Variants in SYNE1 observed in about 807,000 individuals in gnomAD.
The protein encoded by SYNE1 is nesprin-1.
In SYNE1, 616 loss-of-function variants were observed where a neutral mutation model predicts 1,111.0. The observed-to-expected ratio is 0.55, with a 90% confidence interval of 0.52 to 0.59. The LOEUF (loss-of-function observed/expected upper bound fraction) is 0.59. SYNE1 is among the 20% of genes least tolerant of loss of function. The pLI is 0.00. For synonymous variants in SYNE1, 3,855 were observed against 3,825.8 expected, an observed-to-expected ratio of 1.01 and a Z score of -0.28; for missense variants, 10,006 against 10,417.0, an observed-to-expected ratio of 0.96 and a Z score of 1.72.
At chr6:152,324,431 G>A (rs1489132623) in intron 81 of SYNE1, among the ~76,000 whole-genome samples, 1 of 151,918 alleles carries the variant, frequency 6.6e-6, no homozygotes, top group Non-Finnish European at 1.5e-5. Context: ...TGGGTAATGA[G>A]TCAAATTTCT....
rs61742716 is a variant in SYNE1 at position 152,220,921 on chromosome 6, C to T, written c.21782G>A (p.Arg7261Gln). Reference protein sequence around the residue: ...CASTVQQQEDRTNELLKAATN... With the variant: ...CASTVQQQEDQTNELLKAATN... ...GGCTGCCTTCAACAGCTCATTGGTT[C>T]GATCCTCCTGCTGCTGAACTGTCGA... Residue 7261 changes from arginine to glutamine, a missense_variant, in exon 119 of 146, where the codon CGA (arginine) becomes CAA (glutamine). Physicochemically the swap from Arg to Gln is conservative, Grantham distance 43. This residue lies in a region of SYNE1 where 2,182 missense variants were observed against 2,287.8 expected (regional missense o/e 0.95). Transcript: ENST00000367255. 5.6e-5 allele frequency: 91 copies of T among 1,614,110 alleles called. No homozygotes were observed. The African/African-American group carries it at 8.3e-4, about 15-fold the overall frequency.
intron 16 of SYNE1, among the ~76,000 whole-genome samples, chr6:152,471,064 C>T (rs1224896636): frequency 6.6e-6 from 1 of 151,990 alleles, no homozygotes; most frequent in African/African-American, 2.4e-5. Context: ...TAAGTTGGTA[C>T]AGAGATTCAT....
At chr6:152,193,839 G>A (rs1036377921) in intron 127 of SYNE1, among the ~76,000 whole-genome samples, 12 of 151,762 alleles carry the variant, frequency 7.9e-5, no homozygotes, top group East Asian at 7.9e-4. Context: ...GTGAAACCCT[G>A]TCTCTACTAA....
At chr6:152,447,143 C>T (rs1437580870) in intron 29 of SYNE1, among the ~76,000 whole-genome samples, 1 of 152,160 alleles carries the variant, frequency 6.6e-6, no homozygotes, top group Non-Finnish European at 1.5e-5. Flanking sequence ...TTATTCTTAG[C>T]CTCCATGATT....
chr6:152,411,243 G>A (rs1190464117), intron 42 of SYNE1, among the ~76,000 whole-genome samples: 1 of 152,008 alleles, frequency 6.6e-6, no homozygotes, highest in Non-Finnish European at 1.5e-5. Flanking sequence ...GTCTATTTCT[G>A]GACTGTGTTC....
chr6:152,545,571 T>C (rs974137656), intron 3 of SYNE1, among the ~76,000 whole-genome samples: 9 of 152,056 alleles, frequency 5.9e-5, no homozygotes, highest in African/African-American at 2.2e-4. Context: ...CAGAGTAAAA[T>C]TGTATCTCAA....
Position 152,551,058 on chromosome 6 carries a change from C to G in SYNE1, c.68-11037G>C, listed in dbSNP as rs541020630. On this transcript the variant is annotated intron_variant, in intron 3 of 145. Transcript: ENST00000367255. ...AAGACCACATTTGAACAGTTTCAAG[C>G]AGAACTTTTGTGGATTTTTTCCTGA... is the stretch of plus-strand genomic sequence containing the variant. 5.3e-5 allele frequency among the ~76,000 whole-genome samples: 8 copies of G among 152,246 alleles called. No individual in the cohort carries two copies. In the South Asian group the frequency reaches 1.7e-3, roughly 32 times the overall value.
At chr6:152,169,300 C>T (rs1315863339) in intron 130 of SYNE1, among the ~76,000 whole-genome samples, 3 of 151,932 alleles carry the variant, frequency 2.0e-5, no homozygotes, top group Non-Finnish European at 2.9e-5. Flanking sequence ...TGGTGGCTCA[C>T]GCCTGTAATC....
chr6:152,627,490 T>TAAAA (rs5880989), intron 3 of SYNE1, among the ~76,000 whole-genome samples: 4 of 134,374 alleles, frequency 3.0e-5, no homozygotes, highest in Admixed American at 1.5e-4. Context: ...ATATCTCTAC[T>TAAAA]AAAAAAAAAA....
At position 152,329,779 on chromosome 6, in the gene SYNE1, T is replaced by C. The variant is rs2096200869; in HGVS notation, c.14906A>G (p.Glu4969Gly). ...GATGTCTCCATCCAGCTCTGAGAGC[T>C]CAGCGAGGCTGTGTTCTAAATCCGC... ...ISADLEHSLA[E>G]LSELDGDIQE... Residue 4969 changes from glutamate to glycine, a missense_variant, in exon 78 of 146, where the codon GAG becomes GGG. Glu to Gly is a moderately conservative substitution (Grantham distance 98). Coordinates refer to ENST00000367255, the MANE Select transcript of SYNE1 (RefSeq NM_182961.4). 1.9e-6 allele frequency: 3 copies of C among 1,614,208 alleles called. No homozygotes were observed. The South Asian group carries it at 3.3e-5, about 18-fold the overall frequency.
At chr6:152,184,957 G>A (rs1390655503) in intron 128 of SYNE1, among the ~76,000 whole-genome samples, 1 of 152,058 alleles carries the variant, frequency 6.6e-6, no homozygotes, top group African/African-American at 2.4e-5. Flanking sequence ...TTATGTTTTT[G>A]CAAGGGCACA....
chr6:152,373,821 G>T (rs932506316), intron 58 of SYNE1, among the ~76,000 whole-genome samples: 1 of 152,174 alleles, frequency 6.6e-6, no homozygotes, highest in African/African-American at 2.4e-5. Context: ...ATAAACTCTG[G>T]CTAAGACTCG....
At chr6:152,256,374 G>A (rs888678408) in intron 102 of SYNE1, among the ~76,000 whole-genome samples, 4 of 152,212 alleles carry the variant, frequency 2.6e-5, no homozygotes, top group Admixed American at 6.5e-5. Flanking sequence ...AGGTTGCAAT[G>A]AGCCGAGATT....
At chr6:152,329,565 A>T (rs2096193440) in intron 78 of SYNE1, among the ~76,000 whole-genome samples, 165 bp downstream of exon 78, 1 of 152,220 alleles carries the variant, frequency 6.6e-6, no homozygotes, top group Admixed American at 6.5e-5. Flanking sequence ...AAACAAAACG[A>T]AAAACAATTA....
intron 66 of SYNE1, among the ~76,000 whole-genome samples, chr6:152,355,568 G>A (rs1488775875): frequency 1.3e-5 from 2 of 152,080 alleles, no homozygotes; most frequent in South Asian, 2.1e-4. Context: ...CTCCACCAAA[G>A]CCTAAACCCC....
chr6:152,483,187 G>A lies in SYNE1; in HGVS notation c.1248C>T (p.Ala416=). ...GGGCCACCTCCGCTCTGTACAGCCA[G>A]GCACCTATGGTGCCCAGAGGTGCAG... ...SLPAPLGTIG[A]WLYRAEVALR... is the part of the protein sequence containing the mutation. The change falls in exon 14 of 146, where the codon GCC becomes GCT. Residue 416 remains alanine, a synonymous_variant. Transcript: ENST00000367255. The A allele has an allele frequency of 1.9e-6, 3 of 1,614,154 alleles. No homozygotes were observed. The highest frequency in any genetic ancestry group is 1.7e-6 in the Non-Finnish European group (2 of 1,179,972).
At chr6:152,130,902 G>A (rs1364957162) in intron 144 of SYNE1, 124 bp from the exon 145 acceptor site, 8 of 948,266 alleles carry the variant, frequency 8.4e-6, no homozygotes, top group Admixed American at 2.6e-5. Flanking sequence ...GAAATGATCA[G>A]TACCCATGAA....
At position 152,530,037 on chromosome 6, in the gene SYNE1, G is replaced by A. The variant is rs572447059; in HGVS notation, c.130-3862C>T. ...AACTGATGTTCACTATAAATATAGT[G>A]TGGCTCAAGGTCTCAGGCATAGAAA... is the stretch of plus-strand genomic sequence containing the variant. On this transcript the variant is annotated intron_variant, in intron 4 of 145. Coordinates refer to ENST00000367255, the MANE Select transcript of SYNE1 (RefSeq NM_182961.4). Among the ~76,000 whole-genome samples the A allele has an allele frequency of 1.0e-3, 158 of 152,306 alleles. 2 individuals carry two copies. The highest frequency in any genetic ancestry group is 3.4e-3 in the African/African-American group (141 of 41,562).
chr6:152,490,471 C>T (rs907870988), intron 11 of SYNE1, among the ~76,000 whole-genome samples: 1 of 152,118 alleles, frequency 6.6e-6, no homozygotes, highest in African/African-American at 2.4e-5. Context: ...TTTGTTCCTG[C>T]CCCATCCTAA....
Sources: allele counts gnomAD v4.1 joint callset (sites outside exome capture counted in the v4.1 genomes callset), GRCh38; gene constraint gnomAD v4.1.1; regional missense constraint gnomAD v4.1.1; transcripts MANE v1.5; gene names NCBI Gene and HGNC (gene_info 2026-07-23, HGNC 2026-07-21).